Variants in SAMD13 observed in about 807,000 individuals in gnomAD.
SAMD13 encodes the protein sterile alpha motif domain-containing protein 13.
A neutral mutation model predicts 12.4 loss-of-function variants in SAMD13; 9 were observed. The ratio of observed to expected loss-of-function variants is 0.72; its 90% CI spans 0.44 to 1.26. The LOEUF is 1.26. Ranked by LOEUF, SAMD13 falls within the 50% of genes most tolerant of loss-of-function variation. The probability of loss-of-function intolerance (pLI) is 0.00; values close to 1 mark genes in which losing one functional copy is unlikely to be tolerated. For synonymous variants in SAMD13, 46 were observed against 45.4 expected, an observed-to-expected ratio of 1.01 and a Z score of -0.05; for missense variants, 84 against 119.6, an observed-to-expected ratio of 0.70 and a Z score of 1.39.
At chr1:84,314,707 T>C (rs1678791382) in intron 2 of SAMD13, among the ~76,000 whole-genome samples, 1 of 152,140 alleles carries the variant, frequency 6.6e-6, no homozygotes, top group South Asian at 2.1e-4. Flanking sequence ...GCAGTGATCA[T>C]GATGGTAAGA....
intron 3 of SAMD13, among the ~76,000 whole-genome samples, chr1:84,341,725 A>T (rs1679430271): frequency 6.6e-6 from 1 of 152,136 alleles, no homozygotes; most frequent in South Asian, 2.1e-4. Flanking sequence ...CATAAAAAAA[A>T]TGGGTTTAAT....
At chr1:84,308,139 A>T (rs1250965727) in intron 2 of SAMD13, among the ~76,000 whole-genome samples, 1 of 152,196 alleles carries the variant, frequency 6.6e-6, no homozygotes, top group East Asian at 1.9e-4. Flanking sequence ...TGTCTTGTGT[A>T]CCATTGCCTC....
intron 3 of SAMD13, among the ~76,000 whole-genome samples, chr1:84,331,613 T>C (rs1267605595): frequency 6.6e-6 from 1 of 152,146 alleles, no homozygotes; most frequent in Non-Finnish European, 1.5e-5. Flanking sequence ...CAATCTCTGC[T>C]GATGTGTCCT....
At chr1:84,345,133 G>T (rs1439838509) in intron 3 of SAMD13, 1 of 456,420 alleles carries the variant, frequency 2.2e-6, no homozygotes, top group African/African-American at 2.0e-5. Context: ...GTAAGCAGCA[G>T]ACTGAGAAAC....
chr1:84,323,976 GATGGATGTTACCACCATCC>G (rs1457275835), intron 2 of SAMD13, among the ~76,000 whole-genome samples: 3 of 152,076 alleles, frequency 2.0e-5, no homozygotes, highest in Admixed American at 2.0e-4. Flanking sequence ...TGTTTAGCTG[GATGGATGTTACCACCATCC>G]ATCCAATTCC....
intron 3 of SAMD13, among the ~76,000 whole-genome samples, chr1:84,341,646 A>G (rs1400488613): frequency 6.6e-6 from 1 of 152,098 alleles, no homozygotes; most frequent in Non-Finnish European, 1.5e-5. Context: ...CTGGTCAATC[A>G]TTGGGTTCAG....
chr1:84,328,916 A>G (rs1274292479), intron 3 of SAMD13, among the ~76,000 whole-genome samples: 2 of 152,030 alleles, frequency 1.3e-5, no homozygotes, highest in African/African-American at 2.4e-5. Flanking sequence ...CATCCCCTAA[A>G]CCACTTTTGA....
rs57599932 is a variant in SAMD13, at chr1:84,319,624, G to GAAAAAAAAA, written c.54-6004_54-5996dup. On this transcript the variant is annotated intron_variant, in intron 2 of 3. Transcript: ENST00000394834. Reference sequence around the variant, plus strand: ...CGCTCCAGCCTGGGTGACAGGAAAAGAAAAAAAAAAAAAAAAAGGAGCATT... The same window carrying GAAAAAAAAA: ...CGCTCCAGCCTGGGTGACAGGAAAAGAAAAAAAAAAAAAAAAAAAAAAAAAAGGAGCATT... Among the ~76,000 whole-genome samples the GAAAAAAAAA allele has an allele frequency of 2.6e-5, 2 of 77,750 alleles. 1 individual carries two copies. Among genetic ancestry groups the GAAAAAAAAA allele is most frequent in the Non-Finnish European group, 6.6e-5 (2 of 30,348 alleles). The allele number at this position is 77,750 out of a possible 152,430, so 51.0% of individuals were successfully genotyped here. A position where few individuals can be genotyped will look rare whatever the true frequency, so the allele number is the denominator to read the frequency against.
intron 3 of SAMD13, among the ~76,000 whole-genome samples, chr1:84,348,526 G>A (rs1558468403): frequency 6.6e-6 from 1 of 152,182 alleles, no homozygotes; most frequent in African/African-American, 2.4e-5. Flanking sequence ...TTTAACTCTT[G>A]AATCCAAGTC....
At chr1:84,319,075 T>G (rs933903007) in intron 2 of SAMD13, among the ~76,000 whole-genome samples, 1 of 152,158 alleles carries the variant, frequency 6.6e-6, no homozygotes. Flanking sequence ...GGACTGCTGT[T>G]TCTTATATAG....
At chr1:84,309,908 A>G (rs78661887) in intron 2 of SAMD13, among the ~76,000 whole-genome samples, 4,832 of 152,252 alleles carry the variant, frequency 0.032, 96 homozygotes, top group South Asian at 0.071. Flanking sequence ...AATTCTAATC[A>G]TTAGTGAGAT....
At chr1:84,306,311 T>C (rs1216544306) in intron 2 of SAMD13, among the ~76,000 whole-genome samples, 1 of 152,122 alleles carries the variant, frequency 6.6e-6, no homozygotes, top group African/African-American at 2.4e-5. Flanking sequence ...ATTTTTTATA[T>C]TGATGTTATA....
chr1:84,339,233 CAG>C (rs1228897074), intron 3 of SAMD13, among the ~76,000 whole-genome samples: 8 of 152,008 alleles, frequency 5.3e-5, no homozygotes, highest in Non-Finnish European at 1.2e-4. Context: ...TTTGAGTTGC[CAG>C]AGTTATTGCA....
chr1:84,320,922 C>T (rs531378967), intron 2 of SAMD13, among the ~76,000 whole-genome samples: 9 of 152,264 alleles, frequency 5.9e-5, no homozygotes, highest in Admixed American at 4.6e-4. Flanking sequence ...GCCTGAACAA[C>T]TCTCAGCATC....
chr1:84,323,096 T>C (rs979343156), intron 2 of SAMD13, among the ~76,000 whole-genome samples: 10 of 152,138 alleles, frequency 6.6e-5, no homozygotes, highest in Admixed American at 5.9e-4. Flanking sequence ...TAAAAGTGTG[T>C]TCGATGGGAC....
chr1:84,332,325 G>C (rs926433242), intron 3 of SAMD13, among the ~76,000 whole-genome samples: 2 of 152,104 alleles, frequency 1.3e-5, no homozygotes, highest in African/African-American at 4.8e-5. Flanking sequence ...TCTCCACAAT[G>C]GCTGAACTAA....
At chr1:84,299,772 CTT>C, upstream of SAMD13, 1 of 375,872 alleles carries the variant, frequency 2.7e-6, no homozygotes, top group Non-Finnish European at 4.1e-6. Context: ...TTTAGAGTGT[CTT>C]TGTGGCTCAC....
rs1558469613 is a variant in SAMD13, at chr1:84,349,958, C to T, written c.*184C>T. Reference sequence around the variant, plus strand: ...CTCACCTGAAATCAGCCAGGAGGAGCAAGGACAAGATGCGCACAGGGTGGT... The same window carrying T: ...CTCACCTGAAATCAGCCAGGAGGAGTAAGGACAAGATGCGCACAGGGTGGT... On this transcript the variant is annotated 3_prime_UTR_variant, in exon 4 of 4. Coordinates refer to ENST00000394834, the MANE Select transcript of SAMD13 (RefSeq NM_001134663.2). The T allele has an allele frequency of 3.1e-6, 4 of 1,307,752 alleles. No individual in the cohort carries two copies. Among genetic ancestry groups the T allele is most frequent in the Non-Finnish European group, 3.9e-6 (4 of 1,020,878 alleles). The allele number at this position is 1,307,752 out of a possible 1,614,324, so 81.0% of individuals were successfully genotyped here.
Position 84,301,768 on chromosome 1 carries a change from C to T in SAMD13, c.-66C>T. On this transcript the variant is annotated 5_prime_UTR_variant, in exon 1 of 4. Coordinates refer to ENST00000394834, the MANE Select transcript of SAMD13 (RefSeq NM_001134663.2). ...GGTTTCTTTGGCTGTTCTTGATAAG[C>T]CTATAAAAAATGATATTTTTTAGTT... The T allele has an allele frequency of 1.0e-6, 1 of 985,252 alleles. No individual in the cohort carries two copies. The highest frequency in any genetic ancestry group is 1.2e-6 in the Non-Finnish European group (1 of 829,882). 61.0% of individuals were successfully genotyped at this position (985,252 alleles called of 1,614,324 possible).
Sources: allele counts gnomAD v4.1 joint callset (sites outside exome capture counted in the v4.1 genomes callset), GRCh38; gene constraint gnomAD v4.1.1; transcripts MANE v1.5; gene names NCBI Gene and HGNC (gene_info 2026-07-23, HGNC 2026-07-21).